The following LRP1B variants were observed in gnomAD, a reference collection of about 807,000 sequenced individuals.
The protein encoded by LRP1B is LDL receptor related protein 1B.
LRP1B carries 217 observed loss-of-function variants against 556.6 expected under a neutral mutation model. The observed-to-expected ratio is 0.39, with a 90% CI of 0.35 to 0.44. The LOEUF (loss-of-function observed/expected upper bound fraction) is 0.44. LRP1B is among the 20% of genes least tolerant of loss of function. The probability of loss-of-function intolerance (pLI) is 1.00; values close to 1 mark genes in which losing one functional copy is unlikely to be tolerated. For missense variants in LRP1B, 5,053 were observed against 5,620.8 expected, an observed-to-expected ratio of 0.90 and a Z score of 3.23; for synonymous variants, 2,047 against 1,865.8, an observed-to-expected ratio of 1.10 and a Z score of -2.50.
chr2:141,723,985 A>AT (rs923714553), intron 2 of LRP1B, among the ~76,000 whole-genome samples: 1 of 151,728 alleles, frequency 6.6e-6, no homozygotes, highest in African/African-American at 2.4e-5. Flanking sequence ...GCTAATCCTC[A>AT]TTTTTCCCAG....
Position 142,082,474 on chromosome 2 carries a change from G to GA in LRP1B, c.82+48173dup, listed in dbSNP as rs564847746. 3.5e-3 allele frequency among the ~76,000 whole-genome samples: 530 copies of GA among 152,272 alleles called. 2 individuals are homozygous for GA. The highest frequency in any genetic ancestry group is 0.012 in the African/African-American group (482 of 41,564). Reference sequence around the variant, plus strand: ...TGATTCACCAAATGCAAACCCTGGGGATCCAAGTCCAGCCCTAAGATGACA... The same window carrying GA: ...TGATTCACCAAATGCAAACCCTGGGGAATCCAAGTCCAGCCCTAAGATGACA... On this transcript the variant is annotated intron_variant, in intron 1 of 90. Transcript: ENST00000389484.
At chr2:141,284,593 G>A (rs751668486) in intron 3 of LRP1B, among the ~76,000 whole-genome samples, 1 of 152,170 alleles carries the variant, frequency 6.6e-6, no homozygotes, top group East Asian at 1.9e-4. Context: ...AAAGCTTTAC[G>A]ATTTTAGCTT....
intron 3 of LRP1B, among the ~76,000 whole-genome samples, chr2:141,270,835 G>T (rs1051525675): frequency 6.6e-6 from 1 of 151,976 alleles, no homozygotes; most frequent in Non-Finnish European, 1.5e-5. Flanking sequence ...GAGAGTTTCA[G>T]TATGAGAAGA....
chr2:141,732,845 G>A (rs1378638795), intron 2 of LRP1B, among the ~76,000 whole-genome samples: 2 of 152,108 alleles, frequency 1.3e-5, no homozygotes, highest in Non-Finnish European at 1.5e-5. Flanking sequence ...GACTACGGAA[G>A]TAACTAAAGA....
At chr2:140,316,096 C>A (rs541845420) in intron 82 of LRP1B, among the ~76,000 whole-genome samples, 1 of 152,190 alleles carries the variant, frequency 6.6e-6, no homozygotes, top group African/African-American at 2.4e-5. Context: ...GAATCATTTT[C>A]TAGGTTATTT....
intron 11 of LRP1B, among the ~76,000 whole-genome samples, chr2:141,021,561 T>C (rs1430255933): frequency 6.6e-6 from 1 of 152,038 alleles, no homozygotes; most frequent in Non-Finnish European, 1.5e-5. Flanking sequence ...GAGTAGTTAT[T>C]TACCCTTTTC....
rs115378076 is a variant in LRP1B at position 141,046,228 on chromosome 2, G to A, written c.1789+2758C>T. 2.7e-3 allele frequency among the ~76,000 whole-genome samples: 408 copies of A among 152,174 alleles called. 5 individuals carry two copies. The highest frequency in any genetic ancestry group is 8.8e-3 in the African/African-American group (365 of 41,540). On this transcript the variant is annotated intron_variant, in intron 11 of 90. Transcript: ENST00000389484. ...TTTATACCCTTGTACTTCAAACTAC[G>A]TAAATTTATCAATGTCTCAGAATTT...
chr2:141,862,307 T>G (rs954819729), intron 1 of LRP1B, among the ~76,000 whole-genome samples: 1 of 152,190 alleles, frequency 6.6e-6, no homozygotes. Context: ...TATGCATTAT[T>G]TATACATTAA....
In LRP1B at chr2:140,357,996, T is replaced by C; in HGVS notation, c.11378A>G (p.Glu3793Gly). The change falls in exon 74 of 91, where the codon GAG (glutamate) becomes GGG (glycine). Residue 3793 changes from glutamate (E) to glycine (G), a missense_variant. Physicochemically the swap from Glu to Gly is moderately conservative, Grantham distance 98. Coordinates refer to ENST00000389484, the MANE Select transcript of LRP1B (RefSeq NM_018557.3). ...AAGCTCACCTATTCTGCATCCTTGC[T>C]CATCTGAACCATCTCCGCAGTCATC... is the stretch of plus-strand genomic sequence containing the variant. ...RLDDCGDGSD[E>G]QGCRIAPTEY... 1 of 1,610,512 alleles carries C rather than the reference T, an allele frequency of 6.2e-7. No individual in the cohort carries two copies. The highest frequency in any genetic ancestry group is 1.1e-5 in the South Asian group (1 of 90,852).
At chr2:142,052,078 T>C (rs774545763) in intron 1 of LRP1B, among the ~76,000 whole-genome samples, 3 of 152,090 alleles carry the variant, frequency 2.0e-5, no homozygotes, top group Non-Finnish European at 4.4e-5. Context: ...TAAAAATATT[T>C]GCAGAAAATT....
intron 3 of LRP1B, among the ~76,000 whole-genome samples, chr2:141,441,534 AC>A (rs1559072133): frequency 6.6e-6 from 1 of 152,228 alleles, no homozygotes; most frequent in African/African-American, 2.4e-5. Flanking sequence ...TTTGTTTTAT[AC>A]TTTAAGAGAA....
intron 2 of LRP1B, among the ~76,000 whole-genome samples, chr2:141,646,244 G>A (rs911649399): frequency 9.9e-5 from 15 of 152,118 alleles, no homozygotes; most frequent in African/African-American, 3.4e-4. Flanking sequence ...GTATTGAAAT[G>A]TATGTATGTA....
At chr2:140,911,340 T>A (rs1350228262) in intron 21 of LRP1B, among the ~76,000 whole-genome samples, 1 of 151,840 alleles carries the variant, frequency 6.6e-6, no homozygotes, top group Non-Finnish European at 1.5e-5. Flanking sequence ...AAAGAATTAG[T>A]TACTGGAAAC....
At position 141,201,748 on chromosome 2, in the gene LRP1B, A is replaced by T. The variant is rs555515163; in HGVS notation, c.851-13165T>A. ...AATAGAAATGGTGCATGTTTCCCCA[A>T]AGTATTAGCTCTAATATACAATTAG... On this transcript the variant is annotated intron_variant, in intron 6 of 90. Transcript: ENST00000389484. Among the ~76,000 whole-genome samples the T allele has an allele frequency of 3.3e-5, 5 of 152,244 alleles. No homozygotes were observed. In the East Asian group the frequency reaches 9.7e-4, roughly 29 times the overall value.
chr2:140,693,148 TATC>T (rs1205224640), intron 41 of LRP1B, among the ~76,000 whole-genome samples: 3 of 152,184 alleles, frequency 2.0e-5, no homozygotes, highest in Non-Finnish European at 4.4e-5. Context: ...TTATTGGTAA[TATC>T]ATATTGTGTT....
chr2:140,953,039 T>C (rs1236914937), intron 18 of LRP1B, among the ~76,000 whole-genome samples: 3 of 152,114 alleles, frequency 2.0e-5, no homozygotes, highest in Admixed American at 6.6e-5. Context: ...TACATAAAGA[T>C]AGAAAAAACT....
intron 7 of LRP1B, among the ~76,000 whole-genome samples, chr2:141,069,551 A>G (rs547953442): frequency 2.6e-5 from 4 of 151,958 alleles, no homozygotes; most frequent in African/African-American, 9.6e-5. Flanking sequence ...ATCCATCACT[A>G]CTTCCCCTTC....
chr2:140,726,485 G>C (rs1017686621), intron 35 of LRP1B, among the ~76,000 whole-genome samples: 1 of 152,092 alleles, frequency 6.6e-6, no homozygotes, highest in African/African-American at 2.4e-5. Context: ...CTCCACTCCC[G>C]ATAAGCTGGC....
intron 18 of LRP1B, among the ~76,000 whole-genome samples, chr2:140,968,387 C>A (rs1487148980): frequency 2.0e-5 from 3 of 151,798 alleles, no homozygotes; most frequent in Non-Finnish European, 4.4e-5. Context: ...TCCGTTTTAT[C>A]ATTTTTTATT....
Sources: gnomAD v4.1 joint callset for allele counts (sites outside exome capture counted in the v4.1 genomes callset) on GRCh38, gnomAD v4.1.1 for gene constraint, MANE v1.5 for transcripts, NCBI Gene and HGNC (gene_info 2026-07-23, HGNC 2026-07-21) for gene names.